STXBP5: variants seen among roughly 807,000 people sequenced by gnomAD.
STXBP5 encodes syntaxin-binding protein 5.
A neutral mutation model predicts 152.4 loss-of-function variants in STXBP5; 50 were observed. The ratio of observed to expected loss-of-function variants is 0.33; its 90% CI spans 0.26 to 0.42. The LOEUF (loss-of-function observed/expected upper bound fraction) is 0.42, where lower values mean the gene tolerates loss of function less well. STXBP5 is among the 10% of genes least tolerant of loss of function. STXBP5 has a pLI of 1.00. For missense variants in STXBP5, 1,167 were observed against 1,388.6 expected, an observed-to-expected ratio of 0.84 and a Z score of 2.54; for synonymous variants, 492 against 494.7, an observed-to-expected ratio of 0.99 and a Z score of 0.07.
intron 22 of STXBP5, among the ~76,000 whole-genome samples, chr6:147,355,623 C>G (rs184637473): frequency 6.6e-6 from 1 of 152,244 alleles, no homozygotes; most frequent in Admixed American, 6.5e-5. Context: ...GACACAAATT[C>G]TGACTCTACC....
intron 26 of STXBP5, among the ~76,000 whole-genome samples, chr6:147,379,930 A>AG (rs1554221931): frequency 2.0e-5 from 3 of 152,124 alleles, no homozygotes; most frequent in South Asian, 2.1e-4. Context: ...ATTTAACCAA[A>AG]GAAGTATAAG....
intron 3 of STXBP5, among the ~76,000 whole-genome samples, chr6:147,235,950 T>C (rs1460606567): frequency 6.6e-6 from 1 of 152,150 alleles, no homozygotes; most frequent in African/African-American, 2.4e-5. Flanking sequence ...GGAAAGCTAG[T>C]CGTAGAAGGA....
chr6:147,279,839 A>G (rs993292874), intron 8 of STXBP5, among the ~76,000 whole-genome samples: 2 of 152,216 alleles, frequency 1.3e-5, no homozygotes, highest in Admixed American at 6.5e-5. Context: ...GATAAACAAA[A>G]AAGTACCAAT....
At position 147,387,121 on chromosome 6, in the gene STXBP5, G is replaced by T. The variant is rs1489379279; in HGVS notation, c.*2366G>T. 6.6e-6 allele frequency: 1 copy of T among 151,572 alleles called. No homozygotes were observed. Among genetic ancestry groups the T allele is most frequent in the Non-Finnish European group, 1.5e-5 (1 of 67,694 alleles). 9.4% of individuals were successfully genotyped at this position (151,572 alleles called of 1,614,324 possible). On this transcript the variant is annotated 3_prime_UTR_variant, in exon 28 of 28. Transcript: ENST00000321680. ...CTAGAGACTCAGTTAGGATTAGAAA[G>T]CTTAAAGTATGTTTGAGTGTAGGAA...
At chr6:147,323,681 T>C (rs558441802) in intron 16 of STXBP5, among the ~76,000 whole-genome samples, 1 of 152,192 alleles carries the variant, frequency 6.6e-6, no homozygotes, top group Non-Finnish European at 1.5e-5. Flanking sequence ...TGTGAGCCAC[T>C]GCACCCAGCC....
intron 22 of STXBP5, among the ~76,000 whole-genome samples, chr6:147,357,588 G>A (rs536143488): frequency 5.4e-4 from 82 of 152,236 alleles, no homozygotes; most frequent in Middle Eastern, 3.4e-3. Flanking sequence ...GAGATGCTGC[G>A]GGTGAGGAGA....
chr6:147,331,070 G>C (rs1582955353), intron 18 of STXBP5, among the ~76,000 whole-genome samples: 1 of 152,180 alleles, frequency 6.6e-6, no homozygotes, highest in Non-Finnish European at 1.5e-5. Flanking sequence ...TTAATGTGTA[G>C]TCTAATTACC....
At chr6:147,241,433 T>C (rs1778535970) in intron 4 of STXBP5, among the ~76,000 whole-genome samples, 1 of 152,192 alleles carries the variant, frequency 6.6e-6, no homozygotes, top group Non-Finnish European at 1.5e-5. Context: ...CCAATATGTG[T>C]CACCTGTTTA....
At chr6:147,235,219 A>T in intron 2 of STXBP5, 31 bp from the exon 3 acceptor site, 1 of 1,599,584 alleles carries the variant, frequency 6.3e-7, no homozygotes. Context: ...CCGAACAAAT[A>T]CCATAAACTC....
chr6:147,288,646 A>G (rs1384722787), intron 8 of STXBP5, among the ~76,000 whole-genome samples: 2 of 152,202 alleles, frequency 1.3e-5, no homozygotes, highest in Non-Finnish European at 2.9e-5. Flanking sequence ...CTGAGTTACC[A>G]GTAGTATATC....
At chr6:147,227,711 C>G (rs147656956) in intron 2 of STXBP5, among the ~76,000 whole-genome samples, 1 of 152,198 alleles carries the variant, frequency 6.6e-6, no homozygotes, top group African/African-American at 2.4e-5. Context: ...TTTTCTTCCT[C>G]CTTTCCTTTG....
intron 2 of STXBP5, among the ~76,000 whole-genome samples, chr6:147,225,625 G>T (rs1003359571): frequency 6.6e-6 from 1 of 152,210 alleles, no homozygotes; most frequent in African/African-American, 2.4e-5. Flanking sequence ...AGTAGAGGTT[G>T]TCAGAATATG....
In STXBP5 at chr6:147,320,552, AGTGT is replaced by A. The variant is rs71552971; in HGVS notation, c.1802+4184_1802+4187del. ...GTGGAGAAGCAGTCCTGCTAATTTG[AGTGT>A]GTGTGTGTGTGTGTGTGTGTGTGTG... is the stretch of plus-strand genomic sequence containing the variant. On this transcript the variant is annotated intron_variant, in intron 16 of 27. Transcript: ENST00000321680. 5.5e-3 allele frequency among the ~76,000 whole-genome samples: 470 copies of A among 85,010 alleles called. 1 individual carries two copies. The highest frequency in any genetic ancestry group is 0.026 in the Middle Eastern group (4 of 154). 55.8% of individuals were successfully genotyped at this position (85,010 alleles called of 152,430 possible).
chr6:147,249,206 G>A (rs920247331), intron 4 of STXBP5, among the ~76,000 whole-genome samples: 1 of 151,798 alleles, frequency 6.6e-6, no homozygotes, highest in South Asian at 2.1e-4. Flanking sequence ...TAATAAATGG[G>A]TATTCTTTTA....
chr6:147,204,706 G>A lies in STXBP5; in HGVS notation c.150+24G>A, dbSNP rs770894319. ...AGGTGAACGGAGCGCGCAGCCCCGC[G>A]ACACCGTCATTGAAAAATTGGGGTT... On this transcript the variant is annotated intron_variant, in intron 1 of 27. Transcript: ENST00000321680. The surrounding 1 kb of genome is among the most constrained non-coding windows in gnomAD (Gnocchi z 4.3). 6.5e-7 allele frequency: 1 copy of A among 1,534,234 alleles called. No individual in the cohort carries two copies. The highest frequency in any genetic ancestry group is 1.4e-5 in the African/African-American group (1 of 71,136).
intron 7 of STXBP5, among the ~76,000 whole-genome samples, chr6:147,277,416 G>A (rs1241712437): frequency 2.6e-5 from 4 of 151,794 alleles, no homozygotes; most frequent in Non-Finnish European, 4.4e-5. Flanking sequence ...GATTTAAAAA[G>A]TTTTTTTTAC....
rs1200857281 is a variant in STXBP5 at position 147,385,994 on chromosome 6, T to C, written c.*1239T>C. 6.6e-6 allele frequency: 1 copy of C among 152,100 alleles called. No homozygotes were observed. Among genetic ancestry groups the C allele is most frequent in the Non-Finnish European group, 1.5e-5 (1 of 67,978 alleles). 9.4% of individuals were successfully genotyped at this position (152,100 alleles called of 1,614,324 possible). On this transcript the variant is annotated 3_prime_UTR_variant, in exon 28 of 28. Coordinates refer to ENST00000321680, the MANE Select transcript of STXBP5 (RefSeq NM_001127715.4). ...AAAAAACCAAAAAGAAAGGAAAATATGTACACTGTGATAACTAAATTATTT... is the reference window on the plus strand; with the variant it reads ...AAAAAACCAAAAAGAAAGGAAAATACGTACACTGTGATAACTAAATTATTT...
chr6:147,277,828 A>T (rs1416403032), intron 7 of STXBP5, among the ~76,000 whole-genome samples: 1 of 152,150 alleles, frequency 6.6e-6, no homozygotes, highest in East Asian at 1.9e-4. Context: ...TTGTCCGTAG[A>T]TGTCACTATC....
rs180725426 is a variant in STXBP5 at position 147,388,530 on chromosome 6, A to G, written c.*3775A>G. 2 of 151,704 alleles carry G rather than the reference A, an allele frequency of 1.3e-5. No individual in the cohort carries two copies. The highest frequency in any genetic ancestry group is 1.9e-4 in the East Asian group (1 of 5,172). The allele number at this position is 151,704 out of a possible 1,614,324, so 9.4% of individuals were successfully genotyped here. A position where few individuals can be genotyped will look rare whatever the true frequency, so the allele number is the denominator to read the frequency against. On this transcript the variant is annotated 3_prime_UTR_variant, in exon 28 of 28. Transcript: ENST00000321680. ...AAGTCAAAGTACTTAAAAAGTATGT[A>G]TATTATCCATACAAAAAGTTATGTT... is the stretch of plus-strand genomic sequence containing the variant.
Sources: gnomAD v4.1 joint callset for allele counts (sites outside exome capture counted in the v4.1 genomes callset) on GRCh38, gnomAD v4.1.1 for gene constraint, Gnocchi (gnomAD v3.1) non-coding constraint, MANE v1.5 for transcripts, NCBI Gene and HGNC (gene_info 2026-07-23, HGNC 2026-07-21) for gene names.